The following NAP1L1 variants were observed in gnomAD, a reference collection of about 807,000 sequenced individuals.
NAP1L1 encodes nucleosome assembly protein 1-like 1.
A neutral mutation model predicts 58.9 loss-of-function variants in NAP1L1; 9 were observed. That is an observed-to-expected ratio of 0.15 (90% CI 0.09 to 0.27). The LOEUF is 0.27. Among genes scored for constraint, NAP1L1 ranks in the 10% least tolerant of loss-of-function variants. The pLI, the probability that NAP1L1 is intolerant of heterozygous loss-of-function variation, is 1.00. For synonymous variants in NAP1L1, 130 were observed against 138.3 expected (o/e 0.94, Z 0.42); for missense variants, 302 against 458.8 (o/e 0.66, Z 3.12).
At chr12:76,061,121 T>TA in intron 4 of NAP1L1, 1 of 380,246 alleles carries the variant, frequency 2.6e-6, no homozygotes, top group Non-Finnish European at 5.2e-6. Context: ...TTTGATGAGA[T>TA]AAAGTTCATA....
chr12:76,070,066 C>T (rs1204235574), intron 2 of NAP1L1, among the ~76,000 whole-genome samples: 1 of 151,864 alleles, frequency 6.6e-6, no homozygotes, highest in East Asian at 1.9e-4. Flanking sequence ...AAAAAATCAA[C>T]TGTACTCTGC....
At chr12:76,057,938 T>TG in intron 6 of NAP1L1, 1 of 1,106,816 alleles carries the variant, frequency 9.0e-7, no homozygotes, top group Non-Finnish European at 1.4e-6. Context: ...TGTGGCCTTG[T>TG]AACTTTTGAA....
chr12:76,077,425 A>C (rs1448813447), intron 1 of NAP1L1, among the ~76,000 whole-genome samples: 1 of 152,220 alleles, frequency 6.6e-6, no homozygotes, highest in Non-Finnish European at 1.5e-5. Context: ...CATCATCTAT[A>C]TAAAGCAGAA....
Position 76,050,474 on chromosome 12 carries a change from A to G in NAP1L1, c.1059+57T>C, listed in dbSNP as rs1401265094. 3 of 1,541,312 alleles carry G rather than the reference A, an allele frequency of 1.9e-6. No individual in the cohort carries two copies. The South Asian group carries it at 3.9e-5, about 20-fold the overall frequency. ...TAAAAACTAAACTAATCTATTACCA[A>G]TTCTGACCACTATACCCTCAACCAA... On this transcript the variant is annotated intron_variant, in intron 12 of 14. Transcript: ENST00000618691.
intron 4 of NAP1L1, among the ~76,000 whole-genome samples, chr12:76,061,765 C>G (rs1949428896): frequency 1.3e-5 from 2 of 152,210 alleles, no homozygotes; most frequent in Admixed American, 6.5e-5. Flanking sequence ...CACCAGTTTA[C>G]TTAAGATTAT....
chr12:76,067,650 T>A (rs2137051745), intron 3 of NAP1L1, 177 bp from the exon 4 acceptor site: 1 of 493,082 alleles, frequency 2.0e-6, no homozygotes, highest in South Asian at 3.3e-5. Context: ...AACCCAATGT[T>A]CAGGAATAAT....
intron 4 of NAP1L1, among the ~76,000 whole-genome samples, chr12:76,063,557 G>C (rs1304239366): frequency 1.3e-5 from 2 of 152,206 alleles, no homozygotes; most frequent in Non-Finnish European, 2.9e-5. Context: ...CAGCACTCTG[G>C]GGAGCCCAGG....
chr12:76,040,536 CAG>C lies in NAP1L1; in HGVS notation c.*7891_*7892del, dbSNP rs1491010976. 6.6e-6 allele frequency: 1 copy of C among 151,942 alleles called. No individual in the cohort carries two copies. Among genetic ancestry groups the C allele is most frequent in the African/African-American group, 2.4e-5 (1 of 41,232 alleles). The allele number at this position is 151,942 out of a possible 1,614,324, so 9.4% of individuals were successfully genotyped here. A position where few individuals can be genotyped will look rare whatever the true frequency, so the allele number is the denominator to read the frequency against. ...ATATACATACACACACACACACACA[CAG>C]ACAGTTTCATTCTGTTGCTCAGGTT... On this transcript the variant is annotated 3_prime_UTR_variant, in exon 15 of 15. Transcript: ENST00000618691.
intron 1 of NAP1L1, among the ~76,000 whole-genome samples, chr12:76,079,006 C>A (rs1000416639): frequency 6.6e-6 from 1 of 152,170 alleles, no homozygotes; most frequent in East Asian, 1.9e-4. Flanking sequence ...CACACACACA[C>A]ACACACATAT....
chr12:76,063,913 G>C (rs1949537260), intron 4 of NAP1L1, among the ~76,000 whole-genome samples: 1 of 150,738 alleles, frequency 6.6e-6, no homozygotes. Flanking sequence ...GAGGCTGGGG[G>C]TGATGGCTTA....
chr12:76,070,742 C>T (rs1177963155), intron 2 of NAP1L1, among the ~76,000 whole-genome samples: 1 of 152,184 alleles, frequency 6.6e-6, no homozygotes. Flanking sequence ...TACCAAAATC[C>T]TGGGATGTTC....
chr12:76,077,483 A>G (rs1430888959), intron 1 of NAP1L1, among the ~76,000 whole-genome samples: 1 of 152,142 alleles, frequency 6.6e-6, no homozygotes, highest in East Asian at 1.9e-4. Flanking sequence ...TAAACAAGAA[A>G]CTCAGCTTCT....
intron 1 of NAP1L1, among the ~76,000 whole-genome samples, chr12:76,074,566 G>T (rs1044189719): frequency 1.3e-5 from 2 of 152,202 alleles, no homozygotes; most frequent in East Asian, 3.8e-4. Context: ...GAAAGGAACA[G>T]TACAAAAGGA....
At chr12:76,070,471 G>A (rs1178936827) in intron 2 of NAP1L1, among the ~76,000 whole-genome samples, 4 of 152,140 alleles carry the variant, frequency 2.6e-5, no homozygotes, top group Non-Finnish European at 5.9e-5. Flanking sequence ...CACACTTAAC[G>A]GTCACTGGTT....
rs1355240557 is a variant in NAP1L1 at position 76,036,766 on chromosome 12, T to G, written c.*11663A>C. 1 of 152,094 alleles carries G rather than the reference T, an allele frequency of 6.6e-6. No homozygotes were observed. The highest frequency in any genetic ancestry group is 1.9e-4 in the East Asian group (1 of 5,190). The allele number at this position is 152,094 out of a possible 1,614,324, so 9.4% of individuals were successfully genotyped here. ...AAATTATGAACATGTCACGTTACCCTCATCAGGGTATAAAAGATAACCAAG... is the reference window on the plus strand; with the variant it reads ...AAATTATGAACATGTCACGTTACCCGCATCAGGGTATAAAAGATAACCAAG... On this transcript the variant is annotated 3_prime_UTR_variant, in exon 15 of 15. Coordinates refer to ENST00000618691, the MANE Select transcript of NAP1L1 (RefSeq NM_004537.7).
At chr12:76,066,609 C>T (rs577161204) in intron 4 of NAP1L1, among the ~76,000 whole-genome samples, 2 of 152,190 alleles carry the variant, frequency 1.3e-5, no homozygotes, top group East Asian at 3.9e-4. Flanking sequence ...TGAGTCCACA[C>T]CTCTTAGACT....
chr12:76,078,834 A>T (rs1167783226), intron 1 of NAP1L1, among the ~76,000 whole-genome samples: 1 of 152,234 alleles, frequency 6.6e-6, no homozygotes, highest in African/African-American at 2.4e-5. Context: ...ATGAAGCCTA[A>T]TAAAGACTTC....
At chr12:76,080,180 G>T (rs1950347060) in intron 1 of NAP1L1, among the ~76,000 whole-genome samples, 1 of 152,146 alleles carries the variant, frequency 6.6e-6, no homozygotes, top group African/African-American at 2.4e-5. Context: ...AGATTATAAT[G>T]GAGCTGAAAC....
intron 1 of NAP1L1, among the ~76,000 whole-genome samples, chr12:76,082,722 A>G (rs545458705): frequency 1.3e-5 from 2 of 152,348 alleles, no homozygotes; most frequent in Admixed American, 6.5e-5. Context: ...TGCCTTGAAA[A>G]TAACTGTAAA....
Sources: gnomAD v4.1 joint callset for allele counts (sites outside exome capture counted in the v4.1 genomes callset) on GRCh38, gnomAD v4.1.1 for gene constraint, MANE v1.5 for transcripts, NCBI Gene and HGNC (gene_info 2026-07-23, HGNC 2026-07-21) for gene names.